NEMP2: variants seen among roughly 807,000 people sequenced by gnomAD.
NEMP2 encodes UPF0571 transmembrane protein.
A neutral mutation model predicts 54.2 loss-of-function variants in NEMP2; 53 were observed. The ratio of observed to expected loss-of-function variants is 0.98; its 90% CI spans 0.78 to 1.23. NEMP2 has a LOEUF of 1.23. NEMP2 is among the 50% of genes most tolerant of loss of function. NEMP2 has a pLI of 0.00. For missense variants in NEMP2, 455 were observed against 511.3 expected (o/e 0.89, Z 1.06); for synonymous variants, 197 against 190.3 (o/e 1.04, Z -0.29).
At chr2:190,579,244 T>C in the NEMP2 span, among the ~76,000 whole-genome samples, 1 of 151,714 alleles carries the variant, frequency 6.6e-6, no homozygotes, top group Non-Finnish European at 1.5e-5. Context: ...GGAAATATAG[T>C]GTAGAATTAA....
Position 190,509,316 on chromosome 2 carries a change from A to C in NEMP2, c.1131-4T>G, listed in dbSNP as rs945748691. ...TCCAAGAACAAAGTCTGCAAATCTA[A>C]CAAGTTTTTTGTTTTAAATAAAGTT... On this transcript the variant is annotated splice_polypyrimidine_tract_variant and splice_region_variant and intron_variant, in intron 8 of 8. Transcript: ENST00000409150. The surrounding 1 kb of genome is among the most constrained non-coding windows in gnomAD (Gnocchi z 6.1). The C allele has an allele frequency of 5.0e-5, 77 of 1,551,444 alleles. No homozygotes were observed. Among genetic ancestry groups the C allele is most frequent in the Non-Finnish European group, 6.7e-5 (77 of 1,146,926 alleles).
At chr2:190,435,819 C>T in the NEMP2 span, 1 of 604,512 alleles carries the variant, frequency 1.7e-6, no homozygotes, top group Non-Finnish European at 2.6e-6. Flanking sequence ...GCTATTTTTC[C>T]TTACCGGTAT....
chr2:190,593,881 G>A, the NEMP2 span, among the ~76,000 whole-genome samples: 1 of 152,172 alleles, frequency 6.6e-6, no homozygotes, highest in Non-Finnish European at 1.5e-5. This position sits in a 1 kb window ranked among gnomAD's most constrained non-coding sequence, Gnocchi z 4.5. Flanking sequence ...CTTCCCAACT[G>A]GCATCCTGCC....
At chr2:190,487,634 TA>T in the NEMP2 span, among the ~76,000 whole-genome samples, 1 of 152,146 alleles carries the variant, frequency 6.6e-6, no homozygotes, top group African/African-American at 2.4e-5. The surrounding 1 kb of genome is among the most constrained non-coding windows in gnomAD (Gnocchi z 5.5). Context: ...AGATGGCCAA[TA>T]AACACCTAAA....
At chr2:190,470,277 A>G in the NEMP2 span, among the ~76,000 whole-genome samples, 17 of 152,204 alleles carry the variant, frequency 1.1e-4, no homozygotes, top group Non-Finnish European at 2.4e-4. Context: ...AGTTATTTTT[A>G]TCACATCTGG....
the NEMP2 span, among the ~76,000 whole-genome samples, chr2:190,540,050 A>G: frequency 6.6e-6 from 1 of 152,134 alleles, no homozygotes; most frequent in African/African-American, 2.4e-5. Context: ...AATGTTAACT[A>G]TGAGTTTCTC....
chr2:190,646,477 C>T, the NEMP2 span, among the ~76,000 whole-genome samples: 1 of 152,190 alleles, frequency 6.6e-6, no homozygotes, highest in Admixed American at 6.5e-5. Flanking sequence ...TCTTTTTGAG[C>T]TACCATATTG....
chr2:190,437,538 TATTGA>T, the NEMP2 span: 1 of 1,613,736 alleles, frequency 6.2e-7, no homozygotes, highest in Non-Finnish European at 8.5e-7. The surrounding 1 kb of genome is among the most constrained non-coding windows in gnomAD (Gnocchi z 5.9). Flanking sequence ...GTCACAAGCT[TATTGA>T]ATTGATCGGC....
chr2:190,632,978 T>C, the NEMP2 span, among the ~76,000 whole-genome samples: 1 of 152,162 alleles, frequency 6.6e-6, no homozygotes, highest in South Asian at 2.1e-4. This position sits in a 1 kb window ranked among gnomAD's most constrained non-coding sequence, Gnocchi z 4.8. Context: ...CATCCAACAA[T>C]TTAGACACGT....
At chr2:190,436,586 C>T in the NEMP2 span, 4 of 1,614,212 alleles carry the variant, frequency 2.5e-6, no homozygotes, top group Non-Finnish European at 3.4e-6. This position sits in a 1 kb window ranked among gnomAD's most constrained non-coding sequence, Gnocchi z 5.3. Context: ...TCTTCCTTTA[C>T]CTCTTTCCTC....
the NEMP2 span, among the ~76,000 whole-genome samples, chr2:190,456,646 G>A: frequency 6.6e-6 from 1 of 152,164 alleles, no homozygotes; most frequent in Non-Finnish European, 1.5e-5. This position sits in a 1 kb window ranked among gnomAD's most constrained non-coding sequence, Gnocchi z 5.4. Flanking sequence ...TCACAATCCT[G>A]TGTATGGTGC....
At chr2:190,572,833 G>GCTTATA in the NEMP2 span, among the ~76,000 whole-genome samples, 76 of 47,864 alleles carry the variant, frequency 1.6e-3, 2 homozygotes, top group Non-Finnish European at 2.2e-3. Context: ...CTTTTCATGA[G>GCTTATA]TATATATATA....
At chr2:190,442,103 G>T in the NEMP2 span, among the ~76,000 whole-genome samples, 3 of 152,258 alleles carry the variant, frequency 2.0e-5, no homozygotes, top group Non-Finnish European at 4.4e-5. Context: ...GATTCCTTAA[G>T]GGAGGATTAA....
the NEMP2 span, among the ~76,000 whole-genome samples, chr2:190,637,214 T>C: frequency 6.6e-6 from 1 of 152,244 alleles, no homozygotes; most frequent in Non-Finnish European, 1.5e-5. The surrounding 1 kb of genome is among the most constrained non-coding windows in gnomAD (Gnocchi z 4.5). Context: ...AGTTCAATGA[T>C]TACAAAGTGA....
Position 190,507,447 on chromosome 2 carries a change from G to C in NEMP2, c.*1742C>G, listed in dbSNP as rs1275271891. 2 of 152,112 alleles carry C rather than the reference G, an allele frequency of 1.3e-5. No individual in the cohort carries two copies. The highest frequency in any genetic ancestry group is 2.9e-5 in the Non-Finnish European group (2 of 68,020). The allele number at this position is 152,112 out of a possible 1,614,324, so 9.4% of individuals were successfully genotyped here. ...GTAGCACACAAACTGCTTCTTAGGA[G>C]ACGAACTTGGTGAGCACAGGCACTG... On this transcript the variant is annotated 3_prime_UTR_variant, in exon 9 of 9. Coordinates refer to ENST00000409150, the MANE Select transcript of NEMP2 (RefSeq NM_001142645.2). The surrounding 1 kb of genome is among the most constrained non-coding windows in gnomAD (Gnocchi z 4.4).
the NEMP2 span, among the ~76,000 whole-genome samples, chr2:190,476,821 T>C: frequency 6.6e-6 from 1 of 151,970 alleles, no homozygotes; most frequent in South Asian, 2.1e-4. Context: ...CCAACAGTGA[T>C]AGACTGGATT....
rs753883894 is a variant in NEMP2 at position 190,518,787 on chromosome 2, A to G, written c.467T>C (p.Leu156Pro). 134 of 1,546,776 alleles carry G rather than the reference A, an allele frequency of 8.7e-5. No homozygotes were observed. The African/African-American group carries it at 1.7e-3, about 20-fold the overall frequency. ...AAGAAAAACTCCTGCCACAAACACAAGGAAGAGTTTGAAATCCATGACTGG... is the reference window on the plus strand; with the variant it reads ...AAGAAAAACTCCTGCCACAAACACAGGGAAGAGTTTGAAATCCATGACTGG... ...NRNIMDFKLF[L>P]VFVAGVFLFF... The change falls in exon 4 of 9, where the codon CTT (leucine) becomes CCT (proline). Residue 156 changes from leucine to proline, a missense_variant. This residue lies in a region of NEMP2 where 294 missense variants were observed against 333.6 expected (regional missense o/e 0.88). Coordinates refer to ENST00000409150, the MANE Select transcript of NEMP2 (RefSeq NM_001142645.2).
At chr2:190,475,063 C>T in the NEMP2 span, among the ~76,000 whole-genome samples, 2 of 152,116 alleles carry the variant, frequency 1.3e-5, no homozygotes, top group African/African-American at 4.8e-5. Flanking sequence ...TGGGACATAT[C>T]TCAAAATAAT....
chr2:190,454,901 TTTTCTGTATGTATATGTGTTCCTGG>T, the NEMP2 span, among the ~76,000 whole-genome samples: 1 of 150,952 alleles, frequency 6.6e-6, no homozygotes, highest in Admixed American at 6.6e-5. This position sits in a 1 kb window ranked among gnomAD's most constrained non-coding sequence, Gnocchi z 4.6. Flanking sequence ...AAACTTGTAT[TTTTCTGTATGTATATGTGTTCCTGG>T]TTTCTGTATG....
Sources: gnomAD v4.1 joint callset for allele counts (sites outside exome capture counted in the v4.1 genomes callset) on GRCh38, gnomAD v4.1.1 for gene constraint, gnomAD v4.1.1 regional missense constraint, Gnocchi (gnomAD v3.1) non-coding constraint, MANE v1.5 for transcripts, NCBI Gene and HGNC (gene_info 2026-07-23, HGNC 2026-07-21) for gene names.